KAT14: variants seen among roughly 807,000 people sequenced by gnomAD.
KAT14 encodes lysine acetyltransferase 14.
A neutral mutation model predicts 78.4 loss-of-function variants in KAT14; 66 were observed. That is an observed-to-expected ratio of 0.84 (90% CI 0.69 to 1.03). KAT14 has a LOEUF of 1.03. Ranked by LOEUF, KAT14 falls within the 50% of genes least tolerant of loss-of-function variation. KAT14 has a pLI of 0.00. For missense variants in KAT14, 870 were observed against 972.5 expected (o/e 0.89, Z 1.40); for synonymous variants, 344 against 359.4 (o/e 0.96, Z 0.48).
At chr20:18,154,889 A>G (rs962665809) in intron 4 of KAT14, among the ~76,000 whole-genome samples, 4 of 152,380 alleles carry the variant, frequency 2.6e-5, no homozygotes, top group Middle Eastern at 3.4e-3. Flanking sequence ...AATCAAAACT[A>G]TACCTTCTGG....
At chr20:18,144,011 C>T (rs1207163037) in intron 2 of KAT14, among the ~76,000 whole-genome samples, 1 of 152,176 alleles carries the variant, frequency 6.6e-6, no homozygotes, top group Non-Finnish European at 1.5e-5. Context: ...TATACCGAAA[C>T]AGGATTTTCC....
chr20:18,144,105 A>G (rs571909358), intron 2 of KAT14, among the ~76,000 whole-genome samples: 4 of 152,368 alleles, frequency 2.6e-5, no homozygotes, highest in African/African-American at 7.2e-5. Context: ...AGAGAAATAC[A>G]TATATAACTG....
At chr20:18,150,284 GGCATGTA>G (rs1295864587) in intron 3 of KAT14, among the ~76,000 whole-genome samples, 1 of 152,114 alleles carries the variant, frequency 6.6e-6, no homozygotes, top group Non-Finnish European at 1.5e-5. Flanking sequence ...GTAGATAGAT[GGCATGTA>G]GCATTATTTT....
chr20:18,185,330 C>T (rs970008815), intron 10 of KAT14, among the ~76,000 whole-genome samples: 1 of 152,102 alleles, frequency 6.6e-6, no homozygotes, highest in African/African-American at 2.4e-5. Context: ...CCGCCTCAGC[C>T]TTCTGGGTAG....
At chr20:18,139,724 T>C (rs946930984) in intron 1 of KAT14, among the ~76,000 whole-genome samples, 3 of 151,834 alleles carry the variant, frequency 2.0e-5, no homozygotes, top group African/African-American at 7.3e-5. Context: ...GCTTACATTG[T>C]ATTAATAGCA....
chr20:18,187,114 C>A (rs1246123556), intron 10 of KAT14, among the ~76,000 whole-genome samples, 172 bp from the exon 11 acceptor site: 1 of 152,174 alleles, frequency 6.6e-6, no homozygotes, highest in Non-Finnish European at 1.5e-5. Flanking sequence ...TGATCAGCAG[C>A]AAAATGTCAT....
chr20:18,184,288 G>A (rs975149352), intron 9 of KAT14, among the ~76,000 whole-genome samples: 1 of 152,118 alleles, frequency 6.6e-6, no homozygotes, highest in Non-Finnish European at 1.5e-5. Flanking sequence ...GAGACATTTT[G>A]AAATGTGCCA....
Position 18,184,583 on chromosome 20 carries a change from G to A in KAT14, c.1982-19G>A, listed in dbSNP as rs777682309. ...TCAAAGGCATGTGGTTTGAGTCTCCGATGGTTTCTTTTCTTTAGGCATTGA... is the reference window on the plus strand; with the variant it reads ...TCAAAGGCATGTGGTTTGAGTCTCCAATGGTTTCTTTTCTTTAGGCATTGA... On this transcript the variant is annotated intron_variant, in intron 9 of 10. Coordinates refer to ENST00000688188, the MANE Select transcript of KAT14 (RefSeq NM_001392073.1). 1.8e-5 allele frequency: 29 copies of A among 1,591,186 alleles called. No homozygotes were observed. The highest frequency in any genetic ancestry group is 7.3e-5 in the Admixed American group (4 of 54,534).
rs377454074 is a variant in KAT14 at position 18,162,513 on chromosome 20, G to A, written c.1236G>A (p.Glu412=). ...GAGGCCCTGAACAGATAAAGCAGGA[G>A]GTAGAGAGTGAGGAGGAAAAACCCG... ...KVRGPEQIKQ[E]VESEEEKPDR... Residue 412 remains glutamate (E), a synonymous_variant, in exon 7 of 11, where the codon GAG becomes GAA. Transcript: ENST00000688188. The A allele has an allele frequency of 1.1e-5, 18 of 1,614,006 alleles. No homozygotes were observed. The highest frequency in any genetic ancestry group is 1.4e-5 in the Non-Finnish European group (16 of 1,180,032).
intron 3 of KAT14, 94 bp downstream of exon 3, chr20:18,145,445 T>C: frequency 1.3e-6 from 2 of 1,545,984 alleles, no homozygotes; most frequent in Non-Finnish European, 1.8e-6. Context: ...AGCTTTTGAG[T>C]TGTTTGGAGG....
chr20:18,140,596 G>C (rs1166092594), intron 1 of KAT14, among the ~76,000 whole-genome samples: 1 of 151,774 alleles, frequency 6.6e-6, no homozygotes, highest in Non-Finnish European at 1.5e-5. Flanking sequence ...GATCATTTGA[G>C]GTCAGGAGTT....
intron 4 of KAT14, among the ~76,000 whole-genome samples, chr20:18,158,847 G>A (rs1411308124): frequency 6.6e-6 from 1 of 152,178 alleles, no homozygotes; most frequent in Non-Finnish European, 1.5e-5. Context: ...AACCCTGTGA[G>A]GTAAGTTCTA....
At chr20:18,160,002 C>T (rs1600226024) in intron 5 of KAT14, among the ~76,000 whole-genome samples, 1 of 152,304 alleles carries the variant, frequency 6.6e-6, no homozygotes, top group African/African-American at 2.4e-5. Flanking sequence ...CAACCTCTGC[C>T]TCCTAGGTTC....
intron 5 of KAT14, among the ~76,000 whole-genome samples, chr20:18,161,512 A>C (rs1246913241): frequency 6.6e-6 from 1 of 152,212 alleles, no homozygotes; most frequent in Non-Finnish European, 1.5e-5. Flanking sequence ...ATTACTCATA[A>C]TAATAAATTA....
chr20:18,184,880 C>T, intron 10 of KAT14, 88 bp downstream of exon 10: 2 of 1,364,830 alleles, frequency 1.5e-6, no homozygotes, highest in East Asian at 5.1e-5. Flanking sequence ...TAGCCCTTCC[C>T]AGCATGGCCC....
At chr20:18,158,121 A>G (rs1266594755) in intron 4 of KAT14, among the ~76,000 whole-genome samples, 2 of 152,184 alleles carry the variant, frequency 1.3e-5, no homozygotes, top group Non-Finnish European at 2.9e-5. Context: ...TTTTTAGTAG[A>G]GACGGGGTTT....
chr20:18,138,569 C>T (rs2037393059), intron 1 of KAT14: 1 of 548,312 alleles, frequency 1.8e-6, no homozygotes, highest in Non-Finnish European at 2.3e-6. Context: ...GGGAGCCCCC[C>T]TTCCCCGTAC....
intron 1 of KAT14, among the ~76,000 whole-genome samples, chr20:18,140,805 C>T (rs552837249): frequency 1.1e-3 from 126 of 119,190 alleles, no homozygotes; most frequent in Non-Finnish European, 1.8e-3. Flanking sequence ...GGTGACAGAA[C>T]GAGACTCCTT....
upstream of KAT14, among the ~76,000 whole-genome samples, chr20:18,137,175 T>A (rs940117249): frequency 6.6e-6 from 1 of 152,126 alleles, no homozygotes; most frequent in African/African-American, 2.4e-5. Flanking sequence ...GGCTCACGCC[T>A]GTAATCCTCT....
Sources: gnomAD v4.1 joint callset for allele counts (sites outside exome capture counted in the v4.1 genomes callset) on GRCh38, gnomAD v4.1.1 for gene constraint, MANE v1.5 for transcripts, NCBI Gene and HGNC (gene_info 2026-07-23, HGNC 2026-07-21) for gene names.